NCKAP5: variants seen among roughly 807,000 people sequenced by gnomAD.
The protein encoded by NCKAP5 is NCK associated protein 5, also known as nck-associated protein 5.
A neutral mutation model predicts 167.0 loss-of-function variants in NCKAP5; 92 were observed. That is an observed-to-expected ratio of 0.55 (90% confidence interval 0.47 to 0.66). NCKAP5 has a LOEUF of 0.66. NCKAP5 is among the 30% of genes least tolerant of loss of function. The pLI is 0.00. For synonymous variants in NCKAP5, 891 were observed against 877.4 expected (o/e 1.02, Z -0.27); for missense variants, 2,378 against 2,315.0 (o/e 1.03, Z -0.56).
rs2148713068 is a variant in NCKAP5 at position 132,860,530 on chromosome 2, G to C, written c.769C>G (p.Gln257Glu). Residue 257 changes from glutamine to glutamate, a missense_variant, in exon 11 of 20, where the codon CAA becomes GAA. Transcript: ENST00000409261. Reference sequence around the variant, plus strand: ...TCAGAAGTGGGTCTGACTCGCTGTTGGAATAGGATGCTTAGTGTTCGATTC... The same window carrying C: ...TCAGAAGTGGGTCTGACTCGCTGTTCGAATAGGATGCTTAGTGTTCGATTC... ...QQNRTLSILF[Q>E]QRVRPTSDLL... 1 of 1,586,540 alleles carries C rather than the reference G, an allele frequency of 6.3e-7. No homozygotes were observed. Among genetic ancestry groups the C allele is most frequent in the South Asian group, 1.2e-5 (1 of 86,816 alleles).
At chr2:132,911,013 T>A (rs1304106585) in intron 8 of NCKAP5, 1 of 179,354 alleles carries the variant, frequency 5.6e-6, no homozygotes, top group Non-Finnish European at 1.2e-5. Flanking sequence ...ATACTGATAT[T>A]CCGTGCCATG....
intron 5 of NCKAP5, among the ~76,000 whole-genome samples, chr2:133,200,401 T>C (rs965381444): frequency 6.6e-6 from 1 of 152,062 alleles, no homozygotes; most frequent in African/African-American, 2.4e-5. Context: ...CAAATGATGC[T>C]AGGATGATTA....
intron 4 of NCKAP5, among the ~76,000 whole-genome samples, chr2:133,278,665 A>G (rs1487024330): frequency 6.6e-6 from 1 of 152,158 alleles, no homozygotes; most frequent in African/African-American, 2.4e-5. Context: ...CATAGCAAGA[A>G]AAAACTCAAA....
chr2:133,232,414 A>C (rs1300334411), intron 4 of NCKAP5, among the ~76,000 whole-genome samples: 2 of 152,236 alleles, frequency 1.3e-5, no homozygotes, highest in East Asian at 3.8e-4. Context: ...CAAGCCATTG[A>C]AAAGAAAAAG....
At chr2:133,626,617 A>T in the NCKAP5 span, among the ~76,000 whole-genome samples, 1 of 152,078 alleles carries the variant, frequency 6.6e-6, no homozygotes, top group Non-Finnish European at 1.5e-5. Flanking sequence ...AGAATTATTA[A>T]TTTTTAGGGT....
chr2:132,689,936 AAT>A (rs1686502127), intron 19 of NCKAP5, among the ~76,000 whole-genome samples: 1 of 152,204 alleles, frequency 6.6e-6, no homozygotes, highest in Non-Finnish European at 1.5e-5. Flanking sequence ...ATCTGCAGCT[AAT>A]ATGAGATATA....
chr2:132,764,103 T>G (rs1400333045), intron 16 of NCKAP5, among the ~76,000 whole-genome samples: 2 of 152,186 alleles, frequency 1.3e-5, no homozygotes, highest in African/African-American at 2.4e-5. Flanking sequence ...GGATTCAGTA[T>G]GCTCATAAAT....
chr2:133,423,722 A>G (rs1160059421), intron 3 of NCKAP5, among the ~76,000 whole-genome samples: 2 of 152,204 alleles, frequency 1.3e-5, no homozygotes, highest in African/African-American at 2.4e-5. Context: ...AATATTATGC[A>G]TGTCGTGACT....
At chr2:133,618,289 A>C in the NCKAP5 span, among the ~76,000 whole-genome samples, 103 of 147,320 alleles carry the variant, frequency 7.0e-4, no homozygotes, top group African/African-American at 1.6e-3. Context: ...GCAACAAAAG[A>C]CAAAATTGAC....
intron 3 of NCKAP5, among the ~76,000 whole-genome samples, chr2:133,515,491 C>A (rs1683905627): frequency 6.6e-6 from 1 of 152,168 alleles, no homozygotes; most frequent in Non-Finnish European, 1.5e-5. Context: ...AAGCATGACA[C>A]AGGGAGACTT....
At chr2:133,039,402 T>C (rs1190996617) in intron 6 of NCKAP5, among the ~76,000 whole-genome samples, 1 of 152,198 alleles carries the variant, frequency 6.6e-6, no homozygotes, top group African/African-American at 2.4e-5. Context: ...AGTAAAGATT[T>C]ATTTTAAGTC....
rs181836944 is a variant in NCKAP5, at chr2:132,784,558, A to T, written c.2253T>A (p.Val751=). The T allele has an allele frequency of 6.2e-4, 970 of 1,576,990 alleles. No individual in the cohort carries two copies. The highest frequency in any genetic ancestry group is 2.1e-3 in the Admixed American group (119 of 55,438). The part of the protein sequence containing the change: ...KNIPKDNVDN[V]PRVSTESFSS... ...TGAAAGATTCAGTGGACACCCTGGGAACATTATCTACATTATCTTTTGGAA... is the reference window on the plus strand; with the variant it reads ...TGAAAGATTCAGTGGACACCCTGGGTACATTATCTACATTATCTTTTGGAA... The change falls in exon 14 of 20, where the codon GTT becomes GTA. Residue 751 remains valine, a synonymous_variant. Coordinates refer to ENST00000409261, the MANE Select transcript of NCKAP5 (RefSeq NM_207363.3).
intron 7 of NCKAP5, among the ~76,000 whole-genome samples, chr2:132,992,056 A>G (rs1292621138): frequency 6.6e-6 from 1 of 152,152 alleles, no homozygotes; most frequent in Non-Finnish European, 1.5e-5. Context: ...CCTAGTGCAT[A>G]TGAGAAGTTC....
chr2:132,737,270 C>T (rs1484848147), intron 16 of NCKAP5, among the ~76,000 whole-genome samples: 1 of 152,136 alleles, frequency 6.6e-6, no homozygotes, highest in Non-Finnish European at 1.5e-5. Flanking sequence ...ATGGAGTCCC[C>T]ATTCTCTTTT....
rs184930202 is a variant in NCKAP5, at chr2:132,768,397, T to C, written c.5128+5419A>G. On this transcript the variant is annotated intron_variant, in intron 16 of 19. Coordinates refer to ENST00000409261, the MANE Select transcript of NCKAP5 (RefSeq NM_207363.3). ...TTGAATTCCTACTAATTGTTAACTC[T>C]AGTAGACAATTAGTACAATACATAG... Among the ~76,000 whole-genome samples the C allele has an allele frequency of 1.8e-4, 28 of 152,274 alleles. No homozygotes were observed. The East Asian group carries it at 5.2e-3, about 28-fold the overall frequency.
intron 5 of NCKAP5, among the ~76,000 whole-genome samples, chr2:133,186,500 C>T (rs1374926498): frequency 6.6e-6 from 1 of 152,066 alleles, no homozygotes; most frequent in African/African-American, 2.4e-5. Context: ...CCCTGCTCCT[C>T]AATTTTTTGG....
intron 6 of NCKAP5, among the ~76,000 whole-genome samples, chr2:133,085,625 G>A (rs1336802963): frequency 6.6e-6 from 1 of 152,150 alleles, no homozygotes; most frequent in Non-Finnish European, 1.5e-5. Flanking sequence ...AGATATGTCA[G>A]GTAAATGCAG....
chr2:133,286,853 G>A (rs1273763370), intron 4 of NCKAP5, among the ~76,000 whole-genome samples: 1 of 152,178 alleles, frequency 6.6e-6, no homozygotes, highest in Non-Finnish European at 1.5e-5. Context: ...TAACAGGAAT[G>A]GTACACAGAA....
chr2:133,401,213 G>T (rs1688075752), intron 3 of NCKAP5, among the ~76,000 whole-genome samples: 1 of 152,216 alleles, frequency 6.6e-6, no homozygotes, highest in African/African-American at 2.4e-5. Flanking sequence ...ACGCATTGAG[G>T]TTCTGGCAGG....
Sources: gnomAD v4.1 joint callset for allele counts (sites outside exome capture counted in the v4.1 genomes callset) on GRCh38, gnomAD v4.1.1 for gene constraint, MANE v1.5 for transcripts, NCBI Gene and HGNC (gene_info 2026-07-23, HGNC 2026-07-21) for gene names.